OPCML: variants seen among roughly 807,000 people sequenced by gnomAD.
The protein encoded by OPCML is opioid binding protein/cell adhesion molecule like.
Under a neutral mutation model 37.8 loss-of-function variants are expected in OPCML, and 13 were observed. That is an observed-to-expected ratio of 0.34 (90% CI 0.22 to 0.55). The LOEUF (loss-of-function observed/expected upper bound fraction) is 0.55, where lower values mean the gene tolerates loss of function less well. OPCML is among the 20% of genes least tolerant of loss of function. The probability of loss-of-function intolerance (pLI) is 0.91; values close to 1 mark genes in which losing one functional copy is unlikely to be tolerated. For missense variants in OPCML, 341 were observed against 435.6 expected (o/e 0.78, Z 1.93); for synonymous variants, 176 against 168.8 (o/e 1.04, Z -0.33).
At chr11:132,807,206 T>C (rs896428686) in intron 2 of OPCML, among the ~76,000 whole-genome samples, 1 of 151,980 alleles carries the variant, frequency 6.6e-6, no homozygotes, top group African/African-American at 2.4e-5. Context: ...AAACACACAA[T>C]AGAGAAAACC....
At chr11:132,444,875 C>A (rs2096049374) in intron 4 of OPCML, among the ~76,000 whole-genome samples, 1 of 152,176 alleles carries the variant, frequency 6.6e-6, no homozygotes, top group Non-Finnish European at 1.5e-5. Context: ...AGATTTGTTA[C>A]CTTTGCTGCA....
intron 2 of OPCML, among the ~76,000 whole-genome samples, chr11:132,803,754 T>C (rs1225039070): frequency 6.6e-6 from 1 of 152,246 alleles, no homozygotes; most frequent in Non-Finnish European, 1.5e-5. Context: ...TCAATAACTT[T>C]ATAGATATAT....
chr11:133,066,978 C>T (rs1013871680), intron 1 of OPCML: 13 of 152,042 alleles, frequency 8.6e-5, no homozygotes, highest in Admixed American at 1.3e-4. Context: ...CACACCAGGC[C>T]GGTGAAGTTG....
At chr11:133,104,030 G>C (rs1949122683) in intron 1 of OPCML, among the ~76,000 whole-genome samples, 1 of 152,204 alleles carries the variant, frequency 6.6e-6, no homozygotes, top group Non-Finnish European at 1.5e-5. Context: ...CATCATTCAA[G>C]AGTTACAGGC....
intron 2 of OPCML, among the ~76,000 whole-genome samples, chr11:132,721,334 C>T (rs1591515471): frequency 6.6e-6 from 1 of 152,212 alleles, no homozygotes; most frequent in Middle Eastern, 3.4e-3. Context: ...TTTACTTTGG[C>T]CAGCAGACAA....
intron 1 of OPCML, among the ~76,000 whole-genome samples, chr11:133,359,830 T>A (rs1366233110): frequency 2.0e-5 from 3 of 152,212 alleles, no homozygotes; most frequent in Non-Finnish European, 2.9e-5. Flanking sequence ...TTCGCCAATA[T>A]AAATGAAAAT....
intron 2 of OPCML, among the ~76,000 whole-genome samples, chr11:132,703,547 C>G (rs1319944060): frequency 1.3e-5 from 2 of 152,204 alleles, no homozygotes; most frequent in African/African-American, 4.8e-5. Flanking sequence ...ATTTCCCACT[C>G]AGTCTGTCCA....
At chr11:132,933,302 T>G (rs760624148) in intron 2 of OPCML, among the ~76,000 whole-genome samples, 7 of 152,200 alleles carry the variant, frequency 4.6e-5, no homozygotes, top group Non-Finnish European at 8.8e-5. Flanking sequence ...TGCCAGCCTC[T>G]ATTATGTGAC....
chr11:132,511,533 A>G (rs2096268858), intron 4 of OPCML, among the ~76,000 whole-genome samples: 1 of 152,144 alleles, frequency 6.6e-6, no homozygotes, highest in African/African-American at 2.4e-5. Context: ...ATTGTAATCA[A>G]AACAGTATGG....
chr11:133,106,636 A>G (rs548099280), intron 1 of OPCML, among the ~76,000 whole-genome samples: 1 of 152,254 alleles, frequency 6.6e-6, no homozygotes, highest in Non-Finnish European at 1.5e-5. Context: ...GCAACTAATG[A>G]TACTTCAAAT....
chr11:132,538,558 C>A (rs565344294), intron 3 of OPCML, among the ~76,000 whole-genome samples: 1 of 152,108 alleles, frequency 6.6e-6, no homozygotes, highest in Non-Finnish European at 1.5e-5. Context: ...TTTTATAGTA[C>A]GTGAATTGTA....
chr11:132,853,940 T>C (rs2136336596), intron 2 of OPCML, among the ~76,000 whole-genome samples: 1 of 152,348 alleles, frequency 6.6e-6, no homozygotes, highest in East Asian at 1.9e-4. Context: ...AATGGTGTCC[T>C]ACCATTTAAC....
intron 1 of OPCML, among the ~76,000 whole-genome samples, chr11:133,312,531 C>G (rs1387862826): frequency 1.3e-5 from 2 of 152,150 alleles, no homozygotes; most frequent in African/African-American, 4.8e-5. Flanking sequence ...TAACTCTTCC[C>G]TTTGCTCAGC....
intron 7 of OPCML, among the ~76,000 whole-genome samples, chr11:132,422,529 G>A (rs56024772): frequency 7.2e-4 from 110 of 152,276 alleles, no homozygotes; most frequent in African/African-American, 2.5e-3. Context: ...AGGTATGTAG[G>A]CTGCTCAGCC....
chr11:133,173,753 A>C lies in OPCML; in HGVS notation c.62-230743T>G, dbSNP rs776613323. On this transcript the variant is annotated intron_variant, in intron 1 of 7. Transcript: ENST00000524381. The surrounding 1 kb of genome is among the most constrained non-coding windows in gnomAD (Gnocchi z 7.8). ...AAGAATCTCTAAGAATGCATAAGTA[A>C]AGAAAAAATAGAATTACGTTTTTCT... Among the ~76,000 whole-genome samples the C allele has an allele frequency of 3.3e-5, 5 of 152,236 alleles. No homozygotes were observed. The highest frequency in any genetic ancestry group is 7.3e-5 in the Non-Finnish European group (5 of 68,042).
chr11:132,456,256 T>C (rs570941913), intron 4 of OPCML, among the ~76,000 whole-genome samples: 1 of 152,122 alleles, frequency 6.6e-6, no homozygotes. Context: ...TGCATAAACA[T>C]ATGAAACTTT....
intron 3 of OPCML, among the ~76,000 whole-genome samples, chr11:132,547,503 G>C (rs1021619408): frequency 1.3e-5 from 2 of 152,070 alleles, no homozygotes; most frequent in Admixed American, 6.6e-5. Context: ...GCAGAGTCTG[G>C]AAAAGTGAAC....
intron 1 of OPCML, among the ~76,000 whole-genome samples, chr11:133,229,786 C>T (rs902829975): frequency 5.9e-5 from 9 of 152,196 alleles, no homozygotes; most frequent in Admixed American, 1.3e-4. Context: ...TTCAGCATCC[C>T]ACAAGACCGC....
intron 2 of OPCML, among the ~76,000 whole-genome samples, chr11:132,752,909 C>G (rs1945887764): frequency 6.6e-6 from 1 of 152,140 alleles, no homozygotes; most frequent in Admixed American, 6.5e-5. Context: ...TTCTTCATTC[C>G]CATCTCCACT....
Sources: gnomAD v4.1 joint callset for allele counts (sites outside exome capture counted in the v4.1 genomes callset) on GRCh38, gnomAD v4.1.1 for gene constraint, Gnocchi (gnomAD v3.1) non-coding constraint, MANE v1.5 for transcripts, NCBI Gene and HGNC (gene_info 2026-07-23, HGNC 2026-07-21) for gene names.